RUNX2: variants seen among roughly 807,000 people sequenced by gnomAD.
The protein encoded by RUNX2 is runt-related transcription factor 2.
In RUNX2, 10 loss-of-function variants were observed where a neutral mutation model predicts 51.7. That is an observed-to-expected ratio of 0.19 (90% CI 0.12 to 0.33). The LOEUF (loss-of-function observed/expected upper bound fraction) is 0.33, where lower values mean the gene tolerates loss of function less well. RUNX2 is among the 10% of genes least tolerant of loss of function. RUNX2 has a pLI of 1.00. For missense variants in RUNX2, 562 were observed against 691.3 expected (o/e 0.81, Z 2.10); for synonymous variants, 276 against 273.6 (o/e 1.01, Z -0.09).
intron 7 of RUNX2, among the ~76,000 whole-genome samples, chr6:45,517,047 T>TC (rs1801354057): frequency 2.6e-5 from 4 of 152,172 alleles, no homozygotes; most frequent in African/African-American, 9.7e-5. Flanking sequence ...CATAATGAAG[T>TC]AGAAGGGATT....
intron 2 of RUNX2, among the ~76,000 whole-genome samples, chr6:45,337,069 T>G (rs1168038945): frequency 6.6e-6 from 1 of 151,624 alleles, no homozygotes; most frequent in Non-Finnish European, 1.5e-5. Context: ...AACAATAATA[T>G]AGTGAGAAGC....
chr6:45,350,266 T>C (rs950708221), intron 2 of RUNX2, among the ~76,000 whole-genome samples: 3 of 152,176 alleles, frequency 2.0e-5, no homozygotes, highest in African/African-American at 7.2e-5. Flanking sequence ...CACTTGGTAA[T>C]TGTGAATGAA....
At position 45,458,974 on chromosome 6, in the gene RUNX2, A is replaced by C. The variant is rs79773531; in HGVS notation, c.685+20923A>C. Among the ~76,000 whole-genome samples the C allele has an allele frequency of 6.4e-3, 972 of 152,332 alleles. 9 individuals are homozygous for C. The highest frequency in any genetic ancestry group is 0.022 in the African/African-American group (910 of 41,564). Reference sequence around the variant, plus strand: ...GTTTCTAAAACCTGACAGTAACCTGAAGCTTTGAGCCACTTGCCTTCTTCC... The same window carrying C: ...GTTTCTAAAACCTGACAGTAACCTGCAGCTTTGAGCCACTTGCCTTCTTCC... On this transcript the variant is annotated intron_variant, in intron 5 of 8. Coordinates refer to ENST00000647337, the MANE Select transcript of RUNX2 (RefSeq NM_001024630.4).
chr6:45,410,650 GT>G (rs1797930440), intron 2 of RUNX2, among the ~76,000 whole-genome samples: 1 of 152,084 alleles, frequency 6.6e-6, no homozygotes, highest in Admixed American at 6.6e-5. Flanking sequence ...CAATCGTGTG[GT>G]TCCAGATTTT....
chr6:45,464,988 G>A (rs1200504631), intron 5 of RUNX2, among the ~76,000 whole-genome samples: 2 of 152,170 alleles, frequency 1.3e-5, no homozygotes, highest in Admixed American at 6.5e-5. Flanking sequence ...TGATTCTTGA[G>A]TATATACAAG....
intron 2 of RUNX2, among the ~76,000 whole-genome samples, chr6:45,339,481 G>GA (rs1195802948): frequency 1.3e-5 from 2 of 152,058 alleles, no homozygotes; most frequent in African/African-American, 2.4e-5. Context: ...TTGTTCACAA[G>GA]AAAAAATTAG....
intron 2 of RUNX2, among the ~76,000 whole-genome samples, chr6:45,419,370 C>T (rs990033126): frequency 3.3e-5 from 5 of 151,594 alleles, no homozygotes; most frequent in African/African-American, 7.3e-5. Flanking sequence ...AAAAACGAGC[C>T]AGGGATCTCT....
At chr6:45,405,632 T>C (rs1012826802) in intron 2 of RUNX2, among the ~76,000 whole-genome samples, 1 of 151,962 alleles carries the variant, frequency 6.6e-6, no homozygotes, top group African/African-American at 2.4e-5. Flanking sequence ...CTACTGAAAA[T>C]ACAAAAATTA....
intron 5 of RUNX2, among the ~76,000 whole-genome samples, chr6:45,439,147 T>A (rs541914369): frequency 7.2e-5 from 11 of 152,200 alleles, no homozygotes; most frequent in Non-Finnish European, 1.2e-4. Flanking sequence ...TTTGCTGCTG[T>A]CTCTTTTCAC....
intron 5 of RUNX2, among the ~76,000 whole-genome samples, chr6:45,474,051 T>C (rs933185473): frequency 6.6e-6 from 1 of 152,124 alleles, no homozygotes; most frequent in Non-Finnish European, 1.5e-5. Context: ...TTGCCCTTAA[T>C]CCAGTGAAAT....
chr6:45,437,257 T>C (rs771176833), intron 4 of RUNX2, among the ~76,000 whole-genome samples: 1 of 152,226 alleles, frequency 6.6e-6, no homozygotes, highest in Non-Finnish European at 1.5e-5. Context: ...AGATGTCATG[T>C]TCATTTAGCA....
intron 2 of RUNX2, among the ~76,000 whole-genome samples, chr6:45,413,171 C>T (rs1024506920): frequency 3.8e-4 from 58 of 151,922 alleles, no homozygotes; most frequent in African/African-American, 1.4e-3. Context: ...AAAATAAGCC[C>T]CAAGTGTAAT....
rs188128648 is a variant in RUNX2 at position 45,437,817 on chromosome 6, C to T, written c.581-130C>T. On this transcript the variant is annotated intron_variant, in intron 4 of 8. Transcript: ENST00000647337. ...GGGTTTCCAATTTAGAAGAAGGAGTCCTGCCTCTTGTCTTTGTTTCATTGC... is the reference window on the plus strand; with the variant it reads ...GGGTTTCCAATTTAGAAGAAGGAGTTCTGCCTCTTGTCTTTGTTTCATTGC... The T allele has an allele frequency of 6.3e-4, 468 of 748,304 alleles. 2 individuals are homozygous for T. The highest frequency in any genetic ancestry group is 1.7e-3 in the South Asian group (124 of 73,024). 46.4% of individuals were successfully genotyped at this position (748,304 alleles called of 1,614,324 possible).
chr6:45,398,678 G>A (rs550502101), intron 2 of RUNX2, among the ~76,000 whole-genome samples: 2 of 152,230 alleles, frequency 1.3e-5, no homozygotes, highest in African/African-American at 4.8e-5. Flanking sequence ...CTTCAAAAGA[G>A]CTCCTTTAAC....
At chr6:45,440,213 G>A (rs568084539) in intron 5 of RUNX2, among the ~76,000 whole-genome samples, 171 of 152,330 alleles carry the variant, frequency 1.1e-3, no homozygotes, top group Admixed American at 2.2e-3. Flanking sequence ...TGCTTTGAGC[G>A]ACAGCTGAAT....
At chr6:45,426,232 G>A (rs946228218) in intron 3 of RUNX2, among the ~76,000 whole-genome samples, 3 of 152,064 alleles carry the variant, frequency 2.0e-5, no homozygotes. Context: ...CTGCAGTTTT[G>A]AAATGTTCGG....
chr6:45,485,689 G>A lies in RUNX2; in HGVS notation c.686-6252G>A, dbSNP rs1364954743. On this transcript the variant is annotated intron_variant, in intron 5 of 8. Coordinates refer to ENST00000647337, the MANE Select transcript of RUNX2 (RefSeq NM_001024630.4). ...TGGATATGTATGTGTGTGTGTGTGTGTGTGTGTGTATATATATATATATAT... is the reference window on the plus strand; with the variant it reads ...TGGATATGTATGTGTGTGTGTGTGTATGTGTGTGTATATATATATATATAT... 1.2e-3 allele frequency among the ~76,000 whole-genome samples: 94 copies of A among 75,744 alleles called. No individual in the cohort carries two copies. The Middle Eastern group carries it at 0.02, about 16-fold the overall frequency. The allele number at this position is 75,744 out of a possible 152,430, so 49.7% of individuals were successfully genotyped here.
chr6:45,423,092 C>T, intron 3 of RUNX2, 135 bp downstream of exon 3: 1 of 1,097,590 alleles, frequency 9.1e-7, no homozygotes, highest in Non-Finnish European at 1.2e-6. Flanking sequence ...CCAGAAACCC[C>T]CGGCCGGGCC....
chr6:45,494,009 A>G (rs923416033), intron 6 of RUNX2, among the ~76,000 whole-genome samples: 2 of 152,196 alleles, frequency 1.3e-5, no homozygotes, highest in African/African-American at 4.8e-5. Context: ...TGCTTCTCTC[A>G]AGGCTTTGTC....
Sources: gnomAD v4.1 joint callset for allele counts (sites outside exome capture counted in the v4.1 genomes callset) on GRCh38, gnomAD v4.1.1 for gene constraint, MANE v1.5 for transcripts, NCBI Gene and HGNC (gene_info 2026-07-23, HGNC 2026-07-21) for gene names.